Variants in EIF4G3 observed in about 807,000 individuals in gnomAD.
The protein encoded by EIF4G3 is eukaryotic translation initiation factor 4 gamma 3.
Under a neutral mutation model 186.4 loss-of-function variants are expected in EIF4G3, and 34 were observed. That is an observed-to-expected ratio of 0.18 (90% CI 0.14 to 0.24). The LOEUF is 0.24. Among genes scored for constraint, EIF4G3 ranks in the 10% least tolerant of loss-of-function variants. The probability of loss-of-function intolerance (pLI) is 1.00; values close to 1 mark genes in which losing one functional copy is unlikely to be tolerated. For missense variants in EIF4G3, 1,536 were observed against 1,948.5 expected (o/e 0.79, Z 3.99); for synonymous variants, 673 against 679.5 (o/e 0.99, Z 0.15).
intron 16 of EIF4G3, among the ~76,000 whole-genome samples, chr1:20,897,200 T>C (rs1388384685): frequency 6.6e-6 from 1 of 152,190 alleles, no homozygotes; most frequent in Non-Finnish European, 1.5e-5. Flanking sequence ...CTTTGAGTAG[T>C]AAAATAATCT....
intron 4 of EIF4G3, among the ~76,000 whole-genome samples, 179 bp downstream of exon 4, chr1:21,050,687 G>A (rs562937759): frequency 6.6e-6 from 1 of 152,210 alleles, no homozygotes; most frequent in Non-Finnish European, 1.5e-5. Context: ...AAAATGAAAT[G>A]TGTGAAATTT....
At chr1:21,112,879 A>C (rs953495787) in intron 2 of EIF4G3, among the ~76,000 whole-genome samples, 7 of 152,334 alleles carry the variant, frequency 4.6e-5, no homozygotes, top group Admixed American at 2.6e-4. Flanking sequence ...CAGTATCGTA[A>C]GTCCAAATTT....
At chr1:20,946,193 A>C (rs2095941201) in intron 13 of EIF4G3, among the ~76,000 whole-genome samples, 1 of 152,174 alleles carries the variant, frequency 6.6e-6, no homozygotes, top group Admixed American at 6.5e-5. Flanking sequence ...CAGAGTCCCA[A>C]ATGAACAACA....
At chr1:20,894,445 A>G (rs185857843) in intron 17 of EIF4G3, among the ~76,000 whole-genome samples, 24 of 152,352 alleles carry the variant, frequency 1.6e-4, no homozygotes, top group Non-Finnish European at 2.6e-4. Context: ...AATAGAAGTA[A>G]GAAGACCTGT....
intron 4 of EIF4G3, among the ~76,000 whole-genome samples, chr1:21,009,071 ATAAGTTT>A (rs1418203054): frequency 6.6e-6 from 1 of 152,230 alleles, no homozygotes; most frequent in Non-Finnish European, 1.5e-5. Context: ...AGCTATACCA[ATAAGTTT>A]TAAAATAGGC....
intron 26 of EIF4G3, 120 bp from the exon 27 acceptor site, chr1:20,853,797 C>T (rs575607347): frequency 1.4e-6 from 1 of 694,284 alleles, no homozygotes; most frequent in Non-Finnish European, 2.5e-6. Context: ...TTAGGTGACG[C>T]CCATCTCCTG....
At chr1:20,988,960 G>A (rs77194216) in intron 7 of EIF4G3, among the ~76,000 whole-genome samples, 12,701 of 147,974 alleles carry the variant, frequency 0.086, 773 homozygotes, top group East Asian at 0.26. Flanking sequence ...CAGCTACTTA[G>A]GAGGCTGAGG....
At chr1:21,052,236 GAAGTGTCTACC>G (rs2094261797) in intron 3 of EIF4G3, among the ~76,000 whole-genome samples, 1 of 152,156 alleles carries the variant, frequency 6.6e-6, no homozygotes, top group Non-Finnish European at 1.5e-5. Flanking sequence ...ACCCCTAGTG[GAAGTGTCTACC>G]AATCAATCCT....
intron 14 of EIF4G3, among the ~76,000 whole-genome samples, chr1:20,936,983 T>C (rs909422376): frequency 1.3e-5 from 2 of 152,218 alleles, no homozygotes; most frequent in African/African-American, 4.8e-5. Flanking sequence ...AAACTACAGG[T>C]CAGTGGCTGA....
chr1:20,937,746 A>T (rs1247081262), intron 14 of EIF4G3, among the ~76,000 whole-genome samples: 1 of 152,214 alleles, frequency 6.6e-6, no homozygotes, highest in Non-Finnish European at 1.5e-5. Flanking sequence ...CTGGATGATT[A>T]ATGGGGAATG....
chr1:20,829,361 C>T, intron 30 of EIF4G3, 89 bp from the exon 31 acceptor site: 3 of 1,425,270 alleles, frequency 2.1e-6, no homozygotes, highest in East Asian at 4.9e-5. Context: ...TCAACAAATA[C>T]ATATTAATCA....
chr1:20,807,735 A>C (rs1257332699), intron 36 of EIF4G3, among the ~76,000 whole-genome samples: 1 of 146,836 alleles, frequency 6.8e-6, no homozygotes, highest in Non-Finnish European at 1.5e-5. Flanking sequence ...ATTATTTTGT[A>C]CAATTTGAAC....
At chr1:21,000,497 G>C (rs1019502926) in intron 6 of EIF4G3, among the ~76,000 whole-genome samples, 2 of 152,040 alleles carry the variant, frequency 1.3e-5, no homozygotes, top group Non-Finnish European at 2.9e-5. Context: ...AGATGGGACA[G>C]CTGTGAGATG....
At position 20,810,861 on chromosome 1, in the gene EIF4G3, C is replaced by T. The variant is rs749614914; in HGVS notation, c.4621G>A (p.Asp1541Asn). 1 of 1,613,858 alleles carries T rather than the reference C, an allele frequency of 6.2e-7. No individual in the cohort carries two copies. The highest frequency in any genetic ancestry group is 2.2e-5 in the East Asian group (1 of 44,860). ...IIADSSTFRV[D>N]TAVIKQRVPI... is the part of the protein sequence containing the mutation. The stretch of plus-strand genomic sequence containing the variant: ...ACTCTCTGCTTGATAACAGCAGTGT[C>T]CACTCTGAAGGTAGAAGAGTCGGCT... The change falls in exon 36 of 37, where the codon GAC becomes AAC. Residue 1541 changes from aspartate to asparagine, a missense_variant. Coordinates refer to ENST00000602326, the MANE Select transcript of EIF4G3 (RefSeq NM_001391906.1). This position sits in a 1 kb window ranked among gnomAD's most constrained non-coding sequence, Gnocchi z 4.1.
intron 19 of EIF4G3, among the ~76,000 whole-genome samples, chr1:20,883,153 A>C (rs1454388851): frequency 1.3e-5 from 2 of 152,178 alleles, no homozygotes; most frequent in African/African-American, 4.8e-5. Context: ...TTAGGTACAA[A>C]TGAAGCACGA....
At position 21,041,775 on chromosome 1, in the gene EIF4G3, G is replaced by A. The variant is rs551595598; in HGVS notation, c.-67+9091C>T. Among the ~76,000 whole-genome samples the A allele has an allele frequency of 4.6e-5, 7 of 152,214 alleles. No homozygotes were observed. The South Asian group carries it at 8.3e-4, about 18-fold the overall frequency. ...TACTTTACAGAGAACACACACACAA[G>A]GGAGACAGAATTTAGATAGCTTGAG... On this transcript the variant is annotated intron_variant, in intron 4 of 36. Transcript: ENST00000602326.
intron 3 of EIF4G3, among the ~76,000 whole-genome samples, chr1:21,062,158 A>G (rs1219184975): frequency 2.0e-5 from 3 of 151,994 alleles, no homozygotes; most frequent in Non-Finnish European, 4.4e-5. Context: ...TCCAGGGCTC[A>G]AGCAATCCTC....
intron 2 of EIF4G3, among the ~76,000 whole-genome samples, chr1:21,126,192 T>C (rs1299873731): frequency 1.3e-5 from 2 of 149,278 alleles, no homozygotes; most frequent in East Asian, 2.0e-4. Context: ...GGGTGACAGA[T>C]TGAGACCCTG....
chr1:20,982,321 T>A, intron 8 of EIF4G3, 67 bp downstream of exon 8: 1 of 1,141,182 alleles, frequency 8.8e-7, no homozygotes, highest in Non-Finnish European at 1.2e-6. Context: ...TCATTAGCAA[T>A]CAATCTCAAT....
Sources: gnomAD v4.1 joint callset for allele counts (sites outside exome capture counted in the v4.1 genomes callset) on GRCh38, gnomAD v4.1.1 for gene constraint, Gnocchi (gnomAD v3.1) non-coding constraint, MANE v1.5 for transcripts, NCBI Gene and HGNC (gene_info 2026-07-23, HGNC 2026-07-21) for gene names.